UHRF1: variants seen among roughly 807,000 people sequenced by gnomAD.
UHRF1 encodes ubiquitin like with PHD and ring finger domains 1.
Under a neutral mutation model 96.5 loss-of-function variants are expected in UHRF1, and 9 were observed. The ratio of observed to expected loss-of-function variants is 0.09; its 90% CI spans 0.06 to 0.16. The LOEUF (loss-of-function observed/expected upper bound fraction) is 0.16, where lower values mean the gene tolerates loss of function less well. Ranked by LOEUF, UHRF1 falls within the 10% of genes least tolerant of loss-of-function variation. The pLI is 1.00. For missense variants in UHRF1, 626 were observed against 1,131.1 expected, an observed-to-expected ratio of 0.55 and a Z score of 6.40; for synonymous variants, 455 against 469.9, an observed-to-expected ratio of 0.97 and a Z score of 0.41.
At chr19:4,937,345 G>A (rs1235600322) in intron 5 of UHRF1, among the ~76,000 whole-genome samples, 1 of 144,418 alleles carries the variant, frequency 6.9e-6, no homozygotes, top group East Asian at 2.0e-4. Context: ...GCTGCTTCCA[G>A]GATTTTTTGC....
chr19:4,938,631 G>A (rs1483601293), intron 5 of UHRF1, among the ~76,000 whole-genome samples: 1 of 149,064 alleles, frequency 6.7e-6, no homozygotes, highest in Non-Finnish European at 1.5e-5. Context: ...GGCTTCAAGC[G>A]ATCCTGACCT....
At chr19:4,914,799 A>G (rs1423739694) in intron 2 of UHRF1, among the ~76,000 whole-genome samples, 1 of 151,886 alleles carries the variant, frequency 6.6e-6, no homozygotes, top group Non-Finnish European at 1.5e-5. Context: ...ACATCATCTT[A>G]TTTTAGATAG....
Position 4,916,395 on chromosome 19 carries a change from G to A in UHRF1, c.153+5357G>A, listed in dbSNP as rs148715590. On this transcript the variant is annotated intron_variant, in intron 2 of 16. Coordinates refer to ENST00000650932, the MANE Select transcript of UHRF1 (RefSeq NM_001048201.3). ...CCCCTCTTTTAGCTGTCAACATGGCGGAGCCGTCCCTGGTGACGCAGCCTC... is the reference window on the plus strand; with the variant it reads ...CCCCTCTTTTAGCTGTCAACATGGCAGAGCCGTCCCTGGTGACGCAGCCTC... 7.2e-5 allele frequency among the ~76,000 whole-genome samples: 11 copies of A among 151,890 alleles called. No homozygotes were observed. The East Asian group carries it at 1.4e-3, about 19-fold the overall frequency.
intron 5 of UHRF1, among the ~76,000 whole-genome samples, chr19:4,934,885 T>C (rs573967339): frequency 6.6e-6 from 1 of 152,324 alleles, no homozygotes; most frequent in Admixed American, 6.5e-5. Flanking sequence ...GGAATTGGTC[T>C]TTATTCTCTG....
At chr19:4,920,585 C>A (rs2032670648) in intron 2 of UHRF1, among the ~76,000 whole-genome samples, 1 of 152,110 alleles carries the variant, frequency 6.6e-6, no homozygotes, top group African/African-American at 2.4e-5. Flanking sequence ...CTGTGTTGAT[C>A]AGGGTGGAGC....
chr19:4,938,660 C>T (rs527485859), intron 5 of UHRF1, among the ~76,000 whole-genome samples: 50 of 148,132 alleles, frequency 3.4e-4, no homozygotes, highest in African/African-American at 4.5e-4. Context: ...CCACTCGTCT[C>T]GGCCTCTCAA....
intron 5 of UHRF1, among the ~76,000 whole-genome samples, chr19:4,938,730 G>GGTTTTTTTTT (rs1568421924): frequency 4.5e-3 from 279 of 61,588 alleles, no homozygotes; most frequent in Middle Eastern, 0.031. Context: ...TTTTGGTCAG[G>GGTTTTTTTTT]TTTTTTTTTT....
chr19:4,908,816 G>C (rs2032133116), upstream of UHRF1, among the ~76,000 whole-genome samples: 1 of 152,160 alleles, frequency 6.6e-6, no homozygotes, highest in Admixed American at 6.5e-5. Flanking sequence ...TACACCGCTG[G>C]GTTCTGCAGC....
At chr19:4,909,446 C>A (rs2032158113), upstream of UHRF1, 1 of 652,266 alleles carries the variant, frequency 1.5e-6, no homozygotes, top group Non-Finnish European at 2.8e-6. Flanking sequence ...GCCCCCGGCA[C>A]GGCCTCCTGC....
intron 16 of UHRF1, among the ~76,000 whole-genome samples, chr19:4,959,766 G>T (rs1407923417): frequency 6.6e-6 from 1 of 152,202 alleles, no homozygotes; most frequent in Non-Finnish European, 1.5e-5. Context: ...GCAATGGCGT[G>T]ATCATGGCTC....
chr19:4,909,826 C>T, intron 1 of UHRF1, 171 bp downstream of exon 1: 1 of 415,440 alleles, frequency 2.4e-6, no homozygotes, highest in Non-Finnish European at 4.2e-6. Flanking sequence ...CCCCGGCACA[C>T]ATCCGGCTGG....
At chr19:4,906,868 T>C (rs1303441802), upstream of UHRF1, among the ~76,000 whole-genome samples, 1 of 152,240 alleles carries the variant, frequency 6.6e-6, no homozygotes, top group Non-Finnish European at 1.5e-5. Flanking sequence ...GCTAGGTTCC[T>C]GCAGCAGGTG....
rs761392354 is a variant in UHRF1 at position 4,956,740 on chromosome 19, C to T, written c.2162C>T (p.Thr721Met). The T allele has an allele frequency of 1.8e-5, 29 of 1,612,188 alleles. No individual in the cohort carries two copies. The highest frequency in any genetic ancestry group is 3.3e-4 in the Middle Eastern group (2 of 6,082). Residue 721 changes from threonine to methionine, a missense_variant, in exon 16 of 17, where the codon ACG becomes ATG. Around this residue, in one of 11 missense-constraint regions of UHRF1, gnomAD observed 84 missense variants for 150.3 expected, o/e 0.56. Transcript: ENST00000650932. ...FQLFLSKVEE[T>M]FQCICCQELV... Reference sequence around the variant, plus strand: ...TTGTTCCTGAGTAAAGTGGAGGAGACGTTCCAGTGTATCTGCTGTCAGGAG... The same window carrying T: ...TTGTTCCTGAGTAAAGTGGAGGAGATGTTCCAGTGTATCTGCTGTCAGGAG...
At chr19:4,945,676 A>G (rs938353000) in intron 9 of UHRF1, among the ~76,000 whole-genome samples, 185 bp from the exon 10 acceptor site, 6 of 135,800 alleles carry the variant, frequency 4.4e-5, no homozygotes, top group African/African-American at 1.7e-4. Flanking sequence ...TTTTTTTTCC[A>G]TGGTGCAGCT....
intron 2 of UHRF1, among the ~76,000 whole-genome samples, chr19:4,927,664 C>T (rs780466755): frequency 6.6e-6 from 1 of 152,176 alleles, no homozygotes; most frequent in Non-Finnish European, 1.5e-5. Context: ...ATTTCTGCCT[C>T]TAGGGGACAC....
intron 4 of UHRF1, among the ~76,000 whole-genome samples, chr19:4,931,292 T>A (rs1202109467): frequency 1.3e-5 from 2 of 152,286 alleles, no homozygotes; most frequent in East Asian, 3.9e-4. Context: ...CTGTCCGTGC[T>A]GCCATCGTGA....
rs540506584 is a variant in UHRF1, at chr19:4,911,127, C to A, written c.153+89C>A. The A allele has an allele frequency of 6.6e-6, 8 of 1,214,486 alleles. No homozygotes were observed. The Admixed American group carries it at 8.2e-5, about 12-fold the overall frequency. 75.2% of individuals were successfully genotyped at this position (1,214,486 alleles called of 1,614,324 possible). ...AGCCGATACTTTCTCCCTCCCACCT[C>A]CCCCCCCAACAACCTCGTCCGGTCC... On this transcript the variant is annotated intron_variant, in intron 2 of 16. Coordinates refer to ENST00000650932, the MANE Select transcript of UHRF1 (RefSeq NM_001048201.3).
At chr19:4,912,645 T>C (rs911675957) in intron 2 of UHRF1, among the ~76,000 whole-genome samples, 1 of 152,170 alleles carries the variant, frequency 6.6e-6, no homozygotes. Context: ...ATCCATCTTT[T>C]TGGGATGCAT....
intron 5 of UHRF1, among the ~76,000 whole-genome samples, chr19:4,936,136 G>C (rs902642280): frequency 6.6e-6 from 1 of 152,158 alleles, no homozygotes; most frequent in South Asian, 2.1e-4. Context: ...ACAGGTGCTC[G>C]GTCCAGGCGG....
Sources: gnomAD v4.1 joint callset for allele counts (sites outside exome capture counted in the v4.1 genomes callset) on GRCh38, gnomAD v4.1.1 for gene constraint, gnomAD v4.1.1 regional missense constraint, MANE v1.5 for transcripts, NCBI Gene and HGNC (gene_info 2026-07-23, HGNC 2026-07-21) for gene names.